DGKB: variants seen among roughly 807,000 people sequenced by gnomAD.
DGKB encodes 90 kDa diacylglycerol kinase.
Under a neutral mutation model 114.3 loss-of-function variants are expected in DGKB, and 67 were observed. The observed-to-expected ratio is 0.59, with a 90% CI of 0.48 to 0.72. DGKB has a LOEUF of 0.72. Ranked by LOEUF, DGKB falls within the 30% of genes least tolerant of loss-of-function variation. The pLI is 0.00. For missense variants in DGKB, 907 were observed against 975.2 expected (o/e 0.93, Z 0.93); for synonymous variants, 398 against 323.1 (o/e 1.23, Z -2.49).
chr7:14,504,400 C>T (rs1281984576), intron 20 of DGKB, among the ~76,000 whole-genome samples: 1 of 152,062 alleles, frequency 6.6e-6, no homozygotes. Flanking sequence ...AAATGGATAT[C>T]CATTGACTAG....
In DGKB at chr7:14,283,588, G is replaced by A. The variant is rs1392600143; in HGVS notation, c.2122+54927C>T. On this transcript the variant is annotated intron_variant, in intron 23 of 25. Transcript: ENST00000402815. ...CTAAGCCAAAAGAACAAAGCTGGAG[G>A]CATCACACTACCTGGCTTCAAACTA... Among the ~76,000 whole-genome samples, 7 of 147,816 alleles carry A rather than the reference G, an allele frequency of 4.7e-5. No individual in the cohort carries two copies. In the East Asian group the frequency reaches 1.4e-3, roughly 29 times the overall value.
At chr7:14,645,927 A>T (rs1812902708) in intron 13 of DGKB, among the ~76,000 whole-genome samples, 1 of 152,304 alleles carries the variant, frequency 6.6e-6, no homozygotes, top group African/African-American at 2.4e-5. Flanking sequence ...ACAGAAAACA[A>T]GCAAACTGCA....
At chr7:14,284,168 G>A (rs1014751815) in intron 23 of DGKB, among the ~76,000 whole-genome samples, 1 of 151,420 alleles carries the variant, frequency 6.6e-6, no homozygotes, top group Admixed American at 6.6e-5. Context: ...AAATTTACAA[G>A]AAAAAAACAA....
At chr7:14,373,504 G>C (rs1464736907) in intron 21 of DGKB, among the ~76,000 whole-genome samples, 1 of 152,078 alleles carries the variant, frequency 6.6e-6, no homozygotes, top group Non-Finnish European at 1.5e-5. Flanking sequence ...TAAAATCTGA[G>C]TTCAGTAATT....
At position 14,579,915 on chromosome 7, in the gene DGKB, A is replaced by T. The variant is rs143724551; in HGVS notation, c.1609+947T>A. ...CTCTGTTCACCTTGTCTTAGTAGAC[A>T]CTTTTCAAACTTCTCTAAGTGAGCT... On this transcript the variant is annotated intron_variant, in intron 19 of 25. Transcript: ENST00000402815. Among the ~76,000 whole-genome samples the T allele has an allele frequency of 3.7e-3, 559 of 152,290 alleles. 5 individuals carry two copies. Among genetic ancestry groups the T allele is most frequent in the African/African-American group, 0.013 (527 of 41,558 alleles).
chr7:14,530,415 A>T (rs1007502687), intron 20 of DGKB, among the ~76,000 whole-genome samples: 31 of 151,644 alleles, frequency 2.0e-4, no homozygotes, highest in African/African-American at 7.2e-4. Flanking sequence ...CTTTTCAGAA[A>T]AAAACCCTGT....
intron 23 of DGKB, among the ~76,000 whole-genome samples, chr7:14,218,423 T>A (rs371738912): frequency 5.9e-5 from 9 of 152,106 alleles, no homozygotes; most frequent in African/African-American, 2.2e-4. Flanking sequence ...TAAAAATATC[T>A]TTCTAATGAA....
intron 20 of DGKB, among the ~76,000 whole-genome samples, chr7:14,512,724 T>C (rs1216560543): frequency 1.3e-5 from 2 of 152,112 alleles, no homozygotes; most frequent in Non-Finnish European, 2.9e-5. Flanking sequence ...TAAATGTGAT[T>C]AGAAGGCTCC....
At chr7:14,312,347 A>G (rs1260577909) in intron 23 of DGKB, among the ~76,000 whole-genome samples, 1 of 152,212 alleles carries the variant, frequency 6.6e-6, no homozygotes, top group Non-Finnish European at 1.5e-5. Context: ...TTATTTTTAT[A>G]CGCATTGTGT....
chr7:14,692,385 G>A (rs191926398), intron 9 of DGKB, among the ~76,000 whole-genome samples: 13 of 151,594 alleles, frequency 8.6e-5, no homozygotes, highest in Admixed American at 6.6e-4. Context: ...GTCCTTCTCG[G>A]GAATCATTAT....
At chr7:14,614,294 C>T (rs1762603199) in intron 15 of DGKB, among the ~76,000 whole-genome samples, 2 of 152,106 alleles carry the variant, frequency 1.3e-5, no homozygotes, top group Non-Finnish European at 2.9e-5. Context: ...CAAGTGTTGT[C>T]TCTTACCTGA....
At chr7:14,836,853 C>T (rs1489777426) in intron 2 of DGKB, among the ~76,000 whole-genome samples, 1 of 152,206 alleles carries the variant, frequency 6.6e-6, no homozygotes, top group Non-Finnish European at 1.5e-5. Context: ...GAAGCTTCTA[C>T]CTTGTGAGAA....
At chr7:14,470,977 C>T (rs986867783) in intron 21 of DGKB, among the ~76,000 whole-genome samples, 2 of 151,072 alleles carry the variant, frequency 1.3e-5, no homozygotes, top group African/African-American at 2.4e-5. Context: ...TCTGTCACTA[C>T]TGAAATATTA....
chr7:14,588,042 C>A (rs1283088702), intron 17 of DGKB, among the ~76,000 whole-genome samples: 1 of 152,076 alleles, frequency 6.6e-6, no homozygotes, highest in Non-Finnish European at 1.5e-5. Flanking sequence ...TATTAATATG[C>A]AACTTTACCA....
intron 20 of DGKB, among the ~76,000 whole-genome samples, chr7:14,513,010 A>G (rs1037708713): frequency 2.0e-5 from 3 of 152,128 alleles, no homozygotes; most frequent in Admixed American, 2.0e-4. Context: ...TACAAAGAAG[A>G]TATGGCATGT....
At chr7:14,534,922 A>C (rs954454951) in intron 20 of DGKB, among the ~76,000 whole-genome samples, 4 of 152,202 alleles carry the variant, frequency 2.6e-5, no homozygotes, top group Non-Finnish European at 5.9e-5. Context: ...ATGTGAATAA[A>C]ATAAACTCTC....
chr7:14,903,847 G>A (rs1224498279), upstream of DGKB, among the ~76,000 whole-genome samples: 1 of 152,114 alleles, frequency 6.6e-6, no homozygotes, highest in African/African-American at 2.4e-5. Context: ...CAGTTATTAA[G>A]CAGTGTGCTT....
chr7:14,362,661 GC>G (rs1583416406), intron 21 of DGKB, among the ~76,000 whole-genome samples: 2 of 151,558 alleles, frequency 1.3e-5, no homozygotes, highest in East Asian at 3.9e-4. Flanking sequence ...CAAAAAAAAT[GC>G]AACAAAACAT....
At chr7:14,314,224 C>A (rs561759922) in intron 23 of DGKB, among the ~76,000 whole-genome samples, 3,823 of 152,214 alleles carry the variant, frequency 0.025, 133 homozygotes, top group African/African-American at 0.086. Flanking sequence ...AATCAGAGCG[C>A]CTCTCCTCCT....
Sources: gnomAD v4.1 joint callset for allele counts (sites outside exome capture counted in the v4.1 genomes callset) on GRCh38, gnomAD v4.1.1 for gene constraint, MANE v1.5 for transcripts, NCBI Gene and HGNC (gene_info 2026-07-23, HGNC 2026-07-21) for gene names.